Variants in FRY observed in about 807,000 individuals in gnomAD.
FRY encodes FRY microtubule binding protein, also known as protein furry homolog.
FRY carries 128 observed loss-of-function variants against 348.4 expected under a neutral mutation model. The ratio of observed to expected loss-of-function variants is 0.37; its 90% CI spans 0.32 to 0.43. FRY has a LOEUF of 0.43. Among genes scored for constraint, FRY ranks in the 20% least tolerant of loss-of-function variants. The pLI is 1.00. For synonymous variants in FRY, 1,370 were observed against 1,374.7 expected, an observed-to-expected ratio of 1.00 and a Z score of 0.08; for missense variants, 2,736 against 3,695.2, an observed-to-expected ratio of 0.74 and a Z score of 6.73.
At chr13:32,295,055 C>T in intron 60 of FRY, 147 bp from the exon 61 acceptor site, 1 of 743,686 alleles carries the variant, frequency 1.3e-6, no homozygotes, top group Non-Finnish European at 2.4e-6. Context: ...GAATTGTTTA[C>T]CTTAGATGAG....
At chr13:32,121,979 T>A (rs552110217) in intron 4 of FRY, among the ~76,000 whole-genome samples, 2 of 152,164 alleles carry the variant, frequency 1.3e-5, no homozygotes, top group Non-Finnish European at 2.9e-5. Context: ...GAAGATCTAG[T>A]TTCATTCTCC....
intron 1 of FRY, among the ~76,000 whole-genome samples, chr13:32,046,041 AAAC>A (rs1872999878): frequency 6.6e-6 from 1 of 152,226 alleles, no homozygotes; most frequent in African/African-American, 2.4e-5. Context: ...CTCGTACACA[AAAC>A]AACAGCCATC....
chr13:32,279,568 T>G (rs2138614659), intron 58 of FRY, among the ~76,000 whole-genome samples: 1 of 152,290 alleles, frequency 6.6e-6, no homozygotes, highest in African/African-American at 2.4e-5. Flanking sequence ...TGGAAACAGC[T>G]CAAAGTGGCA....
At chr13:32,144,700 A>T (rs1198727520) in intron 11 of FRY, among the ~76,000 whole-genome samples, 2 of 152,222 alleles carry the variant, frequency 1.3e-5, no homozygotes, top group African/African-American at 4.8e-5. Flanking sequence ...AAGACCTATC[A>T]GAAAGTTAAG....
rs1250764385 is a variant in FRY, at chr13:32,297,748, G to A, written c.*2288G>A. 6.6e-6 allele frequency: 1 copy of A among 152,152 alleles called. No individual in the cohort carries two copies. The highest frequency in any genetic ancestry group is 1.5e-5 in the Non-Finnish European group (1 of 68,028). 9.4% of individuals were successfully genotyped at this position (152,152 alleles called of 1,614,324 possible). A position where few individuals can be genotyped will look rare whatever the true frequency, so the allele number is the denominator to read the frequency against. Reference sequence around the variant, plus strand: ...TAGATCTACCAGTCAAATCTTGTCGGCTATTGCTCTGTGCCTCTGTTACAG... The same window carrying A: ...TAGATCTACCAGTCAAATCTTGTCGACTATTGCTCTGTGCCTCTGTTACAG... On this transcript the variant is annotated 3_prime_UTR_variant, in exon 61 of 61. Coordinates refer to ENST00000542859, the MANE Select transcript of FRY (RefSeq NM_023037.3).
chr13:32,243,265 A>T (rs1345370051), intron 46 of FRY, among the ~76,000 whole-genome samples: 5 of 152,186 alleles, frequency 3.3e-5, no homozygotes, highest in Non-Finnish European at 7.3e-5. Flanking sequence ...TAACTGCATG[A>T]CGTTTCATTA....
intron 23 of FRY, among the ~76,000 whole-genome samples, chr13:32,180,276 G>A (rs565976003): frequency 6.5e-4 from 97 of 149,942 alleles, no homozygotes; most frequent in African/African-American, 2.1e-3. Context: ...GCTCTGTCAC[G>A]CAGGCTGGAG....
chr13:32,295,514 G>A lies in FRY; in HGVS notation c.*54G>A. ...AAACTGGCAGTGCTGCCATGCTGGGGCAACGTCATTCAGTGTCTTCTCGGC... is the reference window on the plus strand; with the variant it reads ...AAACTGGCAGTGCTGCCATGCTGGGACAACGTCATTCAGTGTCTTCTCGGC... On this transcript the variant is annotated 3_prime_UTR_variant, in exon 61 of 61. Transcript: ENST00000542859. 3.2e-6 allele frequency: 5 copies of A among 1,551,704 alleles called. No individual in the cohort carries two copies. Among genetic ancestry groups the A allele is most frequent in the Non-Finnish European group, 4.4e-6 (5 of 1,132,098 alleles).
chr13:32,292,617 C>A (rs1254176032), intron 59 of FRY, among the ~76,000 whole-genome samples: 1 of 151,674 alleles, frequency 6.6e-6, no homozygotes, highest in Admixed American at 6.6e-5. Flanking sequence ...CATGGTGAAA[C>A]CCTGCCTCTA....
intron 43 of FRY, among the ~76,000 whole-genome samples, chr13:32,236,868 A>G: frequency 6.6e-6 from 1 of 152,202 alleles, no homozygotes; most frequent in South Asian, 2.1e-4. Flanking sequence ...TAAATCAGTA[A>G]AAATATAGCA....
At chr13:32,214,429 A>G (rs2138372929) in intron 35 of FRY, among the ~76,000 whole-genome samples, 1 of 152,328 alleles carries the variant, frequency 6.6e-6, no homozygotes, top group African/African-American at 2.4e-5. Flanking sequence ...TTAAAAGATT[A>G]TGAGATTTTG....
rs571131557 is a variant in FRY, at chr13:32,267,710, A to T, written c.8136+351A>T. On this transcript the variant is annotated intron_variant, in intron 55 of 60. Coordinates refer to ENST00000542859, the MANE Select transcript of FRY (RefSeq NM_023037.3). ...CCCCCTTTACCTCTCTTTTGTTTTT[A>T]TTATTTTTATCTTTCCTTTCCTTGT... 3.3e-5 allele frequency among the ~76,000 whole-genome samples: 5 copies of T among 151,646 alleles called. No homozygotes were observed. In the East Asian group the frequency reaches 9.7e-4, roughly 29 times the overall value.
At chr13:32,124,140 C>T (rs760517906) in intron 4 of FRY, 146 bp from the exon 5 acceptor site, 9 of 639,434 alleles carry the variant, frequency 1.4e-5, no homozygotes, top group South Asian at 1.9e-5. Context: ...GCCCGGCCAA[C>T]GTTAGCATGT....
chr13:32,244,026 C>T lies in FRY; in HGVS notation c.6688-16C>T. ...TCTGGTGTGTGACTGACTCCAGCCG[C>T]ACTTTGCCCCCACAGCTGCTGGAGA... On this transcript the variant is annotated splice_polypyrimidine_tract_variant and intron_variant, in intron 46 of 60. Coordinates refer to ENST00000542859, the MANE Select transcript of FRY (RefSeq NM_023037.3). 6.2e-7 allele frequency: 1 copy of T among 1,613,506 alleles called. No individual in the cohort carries two copies. The highest frequency in any genetic ancestry group is 1.1e-5 in the South Asian group (1 of 91,070).
intron 1 of FRY, among the ~76,000 whole-genome samples, chr13:32,075,762 C>G (rs914905725): frequency 1.1e-4 from 16 of 152,300 alleles, no homozygotes; most frequent in Non-Finnish European, 1.5e-5. Flanking sequence ...AAGAGGGTTA[C>G]TGAAACTTGG....
intron 7 of FRY, among the ~76,000 whole-genome samples, chr13:32,130,452 T>TTGTGTGTGTATGTGTG (rs1879285205): frequency 7.0e-6 from 1 of 141,888 alleles, no homozygotes; most frequent in Non-Finnish European, 1.5e-5. Flanking sequence ...TGGAAAGTGT[T>TTGTGTGTGTATGTGTG]TGTGTGTGTG....
intron 4 of FRY, among the ~76,000 whole-genome samples, chr13:32,120,850 C>T (rs960459637): frequency 1.1e-4 from 16 of 152,262 alleles, no homozygotes; most frequent in Middle Eastern, 3.4e-3. Context: ...TTAGTAGAGA[C>T]GGGGTTTCAC....
intron 29 of FRY, among the ~76,000 whole-genome samples, chr13:32,195,122 A>G (rs796147109): frequency 9.2e-5 from 14 of 152,334 alleles, no homozygotes; most frequent in African/African-American, 3.4e-4. Flanking sequence ...TCTACTTTCA[A>G]TAAACCTAAA....
intron 46 of FRY, among the ~76,000 whole-genome samples, chr13:32,242,335 C>A (rs183156108): frequency 8.5e-5 from 13 of 152,094 alleles, no homozygotes; most frequent in Non-Finnish European, 1.5e-5. Flanking sequence ...TCATAAAGAT[C>A]CCCCCATTTG....
Sources: allele counts gnomAD v4.1 joint callset (sites outside exome capture counted in the v4.1 genomes callset), GRCh38; gene constraint gnomAD v4.1.1; transcripts MANE v1.5; gene names NCBI Gene and HGNC (gene_info 2026-07-23, HGNC 2026-07-21).